The following RAP1GAP2 variants were observed in gnomAD, a reference collection of about 807,000 sequenced individuals.
RAP1GAP2 encodes the protein RAP1 GTPase activating protein 2.
In RAP1GAP2, 27 loss-of-function variants were observed where a neutral mutation model predicts 95.0. The observed-to-expected ratio is 0.28, with a 90% CI of 0.21 to 0.39. The LOEUF (loss-of-function observed/expected upper bound fraction) is 0.39, where lower values mean the gene tolerates loss of function less well. Among genes scored for constraint, RAP1GAP2 ranks in the 10% least tolerant of loss-of-function variants. RAP1GAP2 has a pLI of 1.00. For synonymous variants in RAP1GAP2, 373 were observed against 380.9 expected (o/e 0.98, Z 0.24); for missense variants, 771 against 970.0 (o/e 0.79, Z 2.72).
At chr17:2,814,526 G>A (rs2069917448) in intron 2 of RAP1GAP2, among the ~76,000 whole-genome samples, 1 of 152,132 alleles carries the variant, frequency 6.6e-6, no homozygotes, top group Admixed American at 6.5e-5. Context: ...TGGGGCAGCC[G>A]GAACCTCAGG....
chr17:2,980,053 G>A (rs955694668), intron 8 of RAP1GAP2, among the ~76,000 whole-genome samples: 2 of 151,792 alleles, frequency 1.3e-5, no homozygotes, highest in African/African-American at 4.8e-5. Flanking sequence ...CGATTCTCCT[G>A]CCTTAGCCTC....
At position 2,797,943 on chromosome 17, in the gene RAP1GAP2, C is replaced by T. The variant is rs896229887; in HGVS notation, c.44+1372C>T. ...GGTGTGGAGCAGATGGAAGGCTGGT[C>T]GCCAGAAAGCTCCGGGTGCACAGGT... On this transcript the variant is annotated intron_variant, in intron 1 of 24. Transcript: ENST00000254695. The surrounding 1 kb of genome is among the most constrained non-coding windows in gnomAD (Gnocchi z 5.6). Among the ~76,000 whole-genome samples the T allele has an allele frequency of 2.6e-5, 4 of 152,212 alleles. No individual in the cohort carries two copies. Among genetic ancestry groups the T allele is most frequent in the African/African-American group, 7.2e-5 (3 of 41,530 alleles).
Position 3,027,387 on chromosome 17 carries a change from TGCTCCAACCCTTCTCCCCACCTGCCAGC to T in RAP1GAP2, c.2107+324_2107+351del, listed in dbSNP as rs1567914608. 6.6e-6 allele frequency among the ~76,000 whole-genome samples: 1 copy of T among 152,022 alleles called. No individual in the cohort carries two copies. ...ATTAGCCCTTCTCCCCACCTGCCAG[TGCTCCAACCCTTCTCCCCACCTGCCAGC>T]GCTCCAGGGCTGCCAGGGCCCGTCT... On this transcript the variant is annotated intron_variant, in intron 22 of 24. Coordinates refer to ENST00000254695, the MANE Select transcript of RAP1GAP2 (RefSeq NM_015085.5). This position sits in a 1 kb window ranked among gnomAD's most constrained non-coding sequence, Gnocchi z 5.2.
In RAP1GAP2 at chr17:3,032,421, G is replaced by A. The variant is rs1358142357; in HGVS notation, c.*2G>A. ...TTTTTGTTGAAACAGGGTCACTAAT[G>A]TGAAAGTGGAGTCCTTCGCCTGTCC... On this transcript the variant is annotated 3_prime_UTR_variant, in exon 24 of 25. Transcript: ENST00000254695. 15 of 1,613,838 alleles carry A rather than the reference G, an allele frequency of 9.3e-6. No individual in the cohort carries two copies. In the East Asian group the frequency reaches 2.2e-4, roughly 24 times the overall value.
At chr17:2,770,265 T>C (rs923815580) in intron 1 of RAP1GAP2, 10 of 398,232 alleles carry the variant, frequency 2.5e-5, no homozygotes, top group African/African-American at 4.1e-5. Context: ...CAAGCAGGGC[T>C]GACTCTCCCA....
chr17:2,863,852 T>C (rs1357121650), intron 2 of RAP1GAP2, among the ~76,000 whole-genome samples: 1 of 151,604 alleles, frequency 6.6e-6, no homozygotes, highest in Non-Finnish European at 1.5e-5. Flanking sequence ...AGGTCGGGAG[T>C]TCGAGACCAG....
intron 2 of RAP1GAP2, among the ~76,000 whole-genome samples, chr17:2,890,148 T>C (rs570836434): frequency 6.8e-4 from 103 of 151,934 alleles, no homozygotes; most frequent in Non-Finnish European, 1.3e-3. Flanking sequence ...TTCTGGACAC[T>C]CGTCTTCCAG....
At chr17:2,945,348 A>T (rs1259523282) in intron 3 of RAP1GAP2, among the ~76,000 whole-genome samples, 1 of 152,156 alleles carries the variant, frequency 6.6e-6, no homozygotes, top group Non-Finnish European at 1.5e-5. Flanking sequence ...GCAATTTTGC[A>T]GACTTCCTTT....
At chr17:2,767,531 G>A (rs1402469490) in intron 1 of RAP1GAP2, among the ~76,000 whole-genome samples, 1 of 151,830 alleles carries the variant, frequency 6.6e-6, no homozygotes, top group African/African-American at 2.4e-5. Context: ...GTTTCTACAG[G>A]TAAAGATAAG....
At chr17:2,780,103 T>A (rs534099783) in intron 1 of RAP1GAP2, among the ~76,000 whole-genome samples, 1 of 152,140 alleles carries the variant, frequency 6.6e-6, no homozygotes, top group African/African-American at 2.4e-5. Flanking sequence ...CAGGCTGGAG[T>A]GCAGTGGCGC....
At chr17:2,995,910 C>T (rs191898062) in intron 13 of RAP1GAP2, among the ~76,000 whole-genome samples, 4 of 152,116 alleles carry the variant, frequency 2.6e-5, no homozygotes, top group South Asian at 4.1e-4. Flanking sequence ...CACTTTGGAG[C>T]GTGTGACTCT....
chr17:2,942,937 T>G (rs1296857597), intron 3 of RAP1GAP2, among the ~76,000 whole-genome samples: 1 of 151,892 alleles, frequency 6.6e-6, no homozygotes, highest in Non-Finnish European at 1.5e-5. Flanking sequence ...CCTAGCTAAT[T>G]TTTGTATTTT....
At chr17:2,908,975 G>T (rs2042285521) in intron 3 of RAP1GAP2, among the ~76,000 whole-genome samples, 1 of 152,150 alleles carries the variant, frequency 6.6e-6, no homozygotes, top group African/African-American at 2.4e-5. Flanking sequence ...CAAAGTGCTG[G>T]GATTACAGGT....
chr17:2,804,358 C>T (rs528009757), intron 2 of RAP1GAP2, among the ~76,000 whole-genome samples: 2 of 152,326 alleles, frequency 1.3e-5, no homozygotes, highest in Middle Eastern at 6.8e-3. Flanking sequence ...GAAGCAGGCA[C>T]CAATCCTCTC....
intron 2 of RAP1GAP2, among the ~76,000 whole-genome samples, chr17:2,831,977 G>A (rs1309346242): frequency 2.0e-5 from 3 of 151,780 alleles, no homozygotes; most frequent in South Asian, 4.2e-4. Context: ...AGGCTGAGGC[G>A]GGCGGATCAC....
intron 2 of RAP1GAP2, among the ~76,000 whole-genome samples, chr17:2,897,790 A>G (rs1379212900): frequency 6.6e-6 from 1 of 151,994 alleles, no homozygotes; most frequent in Non-Finnish European, 1.5e-5. Flanking sequence ...TCCAGCCTCC[A>G]CGTGCTTGTC....
At chr17:2,973,358 A>G (rs1221717430) in intron 8 of RAP1GAP2, among the ~76,000 whole-genome samples, 1 of 152,108 alleles carries the variant, frequency 6.6e-6, no homozygotes, top group Non-Finnish European at 1.5e-5. Flanking sequence ...TCTACTAAAA[A>G]TACAAAAACT....
At chr17:2,943,147 CT>C (rs1459159831) in intron 3 of RAP1GAP2, among the ~76,000 whole-genome samples, 3 of 152,064 alleles carry the variant, frequency 2.0e-5, no homozygotes, top group Admixed American at 6.6e-5. Flanking sequence ...CCCCAAGCCC[CT>C]GACAATCACG....
chr17:2,933,342 C>A (rs1365162560), intron 3 of RAP1GAP2, among the ~76,000 whole-genome samples: 17 of 152,112 alleles, frequency 1.1e-4, no homozygotes, highest in Non-Finnish European at 1.5e-5. Context: ...GCAGAGACCA[C>A]CGTGGAGTGA....
Sources: allele counts gnomAD v4.1 joint callset (sites outside exome capture counted in the v4.1 genomes callset), GRCh38; gene constraint gnomAD v4.1.1; non-coding constraint Gnocchi (gnomAD v3.1); transcripts MANE v1.5; gene names NCBI Gene and HGNC (gene_info 2026-07-23, HGNC 2026-07-21).